DNAJB1: variants seen among roughly 807,000 people sequenced by gnomAD.
The protein encoded by DNAJB1 is DnaJ heat shock protein family (Hsp40) member B1, also known as dnaJ homolog subfamily B member 1.
Under a neutral mutation model 24.0 loss-of-function variants are expected in DNAJB1, and 14 were observed. The ratio of observed to expected loss-of-function variants is 0.58; its 90% CI spans 0.39 to 0.91. The LOEUF (loss-of-function observed/expected upper bound fraction) is 0.91. DNAJB1 is among the 40% of genes least tolerant of loss of function. The pLI is 0.00. For synonymous variants in DNAJB1, 262 were observed against 174.4 expected (o/e 1.50, Z -3.96); for missense variants, 517 against 458.1 (o/e 1.13, Z -1.17).
intron 2 of DNAJB1, 139 bp downstream of exon 2, chr19:14,516,327 G>A (rs2146518672): frequency 3.2e-6 from 4 of 1,251,884 alleles, no homozygotes; most frequent in Middle Eastern, 1.9e-4. Flanking sequence ...CCACAACAGC[G>A]CCCTGGTCAG....
chr19:14,548,372 C>T (rs1259973498), intron 1 of DNAJB1, among the ~76,000 whole-genome samples: 2 of 152,106 alleles, frequency 1.3e-5, no homozygotes, highest in Admixed American at 6.5e-5. Flanking sequence ...GTTACCCAGG[C>T]CCTAAGCTGT....
intron 1 of DNAJB1, among the ~76,000 whole-genome samples, chr19:14,557,156 T>TA (rs57941735): frequency 7.2e-5 from 11 of 151,772 alleles, no homozygotes; most frequent in South Asian, 4.2e-4. Context: ...TTTATTTATT[T>TA]TGAGACAGGG....
At chr19:14,534,529 CG>C (rs1568395245), upstream of DNAJB1, among the ~76,000 whole-genome samples, 1 of 138,604 alleles carries the variant, frequency 7.2e-6, no homozygotes, top group African/African-American at 2.7e-5. Flanking sequence ...TCCACCTCCC[CG>C]GTTCAAGCGA....
At chr19:14,523,098 C>T (rs553657870), upstream of DNAJB1, among the ~76,000 whole-genome samples, 61 of 151,878 alleles carry the variant, frequency 4.0e-4, no homozygotes, top group South Asian at 6.5e-3. Flanking sequence ...CCCAGCTACT[C>T]GGGAGGCTGA....
At chr19:14,519,435 C>T (rs992209930), upstream of DNAJB1, among the ~76,000 whole-genome samples, 2 of 152,286 alleles carry the variant, frequency 1.3e-5, no homozygotes, top group Admixed American at 1.3e-4. Flanking sequence ...ATTCTCCCAA[C>T]CGTGGGGAGA....
At chr19:14,528,711 G>A (rs931846962) in intron 1 of DNAJB1, among the ~76,000 whole-genome samples, 24 of 151,898 alleles carry the variant, frequency 1.6e-4, no homozygotes, top group African/African-American at 5.8e-4. Context: ...AGGCTGAGGC[G>A]GGAGGATCAC....
At chr19:14,534,968 A>G (rs2072809354) in intron 1 of DNAJB1, among the ~76,000 whole-genome samples, 1 of 152,176 alleles carries the variant, frequency 6.6e-6, no homozygotes, top group Admixed American at 6.5e-5. Flanking sequence ...AGGACAGAGC[A>G]TCCCTGAAGG....
At chr19:14,522,687 C>CACAGACACACAG (rs762546547), upstream of DNAJB1, among the ~76,000 whole-genome samples, 2 of 71,716 alleles carry the variant, frequency 2.8e-5, no homozygotes, top group African/African-American at 3.9e-5. Context: ...CACACAGACA[C>CACAGACACACAG]ACACACACAC....
At chr19:14,559,049 C>T (rs1275647825) in intron 1 of DNAJB1, among the ~76,000 whole-genome samples, 5 of 152,136 alleles carry the variant, frequency 3.3e-5, no homozygotes, top group East Asian at 1.9e-4. Flanking sequence ...GCGGAGCCCT[C>T]GATGAGGTCT....
upstream of DNAJB1, chr19:14,531,753 A>G (rs1296557498): frequency 6.6e-6 from 1 of 152,146 alleles, no homozygotes; most frequent in Non-Finnish European, 1.5e-5. Context: ...AAATCCTGTA[A>G]TTTTTGACAT....
At chr19:14,525,907 C>T (rs1017730362) in intron 2 of DNAJB1, among the ~76,000 whole-genome samples, 2 of 152,036 alleles carry the variant, frequency 1.3e-5, no homozygotes, top group Non-Finnish European at 2.9e-5. Context: ...AACTTGCTAA[C>T]GAGCCCTGGC....
At chr19:14,543,415 ATATATTTTTTTTTTTTTTTTTTT>A (rs1268628677) in intron 1 of DNAJB1, among the ~76,000 whole-genome samples, 5 of 9,488 alleles carry the variant, frequency 5.3e-4, no homozygotes, top group Non-Finnish European at 9.6e-4. Flanking sequence ...ATATATATAT[ATATATTTTTTTTTTTTTTTTTTT>A]TTTTTTTTTT....
chr19:14,520,121 C>G (rs1055061375), upstream of DNAJB1, among the ~76,000 whole-genome samples: 1 of 152,192 alleles, frequency 6.6e-6, no homozygotes, highest in Non-Finnish European at 1.5e-5. Flanking sequence ...AGCAGTTGTG[C>G]CCACATCATG....
At position 14,557,916 on chromosome 19, in the gene DNAJB1, C is replaced by T. The variant is rs556915658; in HGVS notation, c.-2166+2115G>A. Among the ~76,000 whole-genome samples the T allele has an allele frequency of 1.3e-3, 200 of 152,074 alleles. 1 individual carries two copies. The highest frequency in any genetic ancestry group is 3.9e-3 in the African/African-American group (160 of 41,492). ...GACTACAGGCACCCACCACCGCACC[C>T]GGCTAATTTTTTGTATTTTTAGTAG... On this transcript the variant is annotated intron_variant, in intron 1 of 5. Coordinates refer to the DNAJB1 transcript ENST00000679223.
chr19:14,534,068 C>G (rs1250074654), upstream of DNAJB1: 1 of 152,052 alleles, frequency 6.6e-6, no homozygotes, highest in African/African-American at 2.4e-5. Flanking sequence ...TTTCCCGCAG[C>G]TGAATACCCA....
Position 14,523,847 on chromosome 19 carries a change from C to T in DNAJB1, c.-90+3879G>A, listed in dbSNP as rs371103311. Among the ~76,000 whole-genome samples, 4 of 152,024 alleles carry T rather than the reference C, an allele frequency of 2.6e-5. No individual in the cohort carries two copies. The South Asian group carries it at 8.3e-4, about 31-fold the overall frequency. On this transcript the variant is annotated intron_variant, in intron 2 of 3. Coordinates refer to the DNAJB1 transcript ENST00000396969. Reference sequence around the variant, plus strand: ...CCATGTTGCTCAGGTTGGTCTCGAACACCTGAGCTCAGGTGATCCGCCGGC... The same window carrying T: ...CCATGTTGCTCAGGTTGGTCTCGAATACCTGAGCTCAGGTGATCCGCCGGC...
chr19:14,519,837 C>T (rs2072341732), upstream of DNAJB1, among the ~76,000 whole-genome samples: 1 of 152,090 alleles, frequency 6.6e-6, no homozygotes, highest in African/African-American at 2.4e-5. Flanking sequence ...AACACGATCG[C>T]GTTTGGCTCT....
At position 14,516,998 on chromosome 19, in the gene DNAJB1, C is replaced by T. The variant is rs2072277488; in HGVS notation, c.260G>A (p.Gly87Asp). 1.2e-6 allele frequency: 2 copies of T among 1,608,812 alleles called. No individual in the cohort carries two copies. Among genetic ancestry groups the T allele is most frequent in the Admixed American group, 3.3e-5 (2 of 59,970 alleles). Residue 87 changes from glycine (G) to aspartate (D), a missense_variant, in exon 2 of 3, where the codon GGT (glycine) becomes GAT (aspartate). Gly to Asp is a moderately conservative substitution (Grantham distance 94). Coordinates refer to ENST00000254322, the MANE Select transcript of DNAJB1 (RefSeq NM_006145.3). ...ATGGAATGTGTAGCTGAAAGAGGTA[C>T]CATTGGCACCACCGCCGCTACCGCC... ...PSGGSGGGANGTSFSYTFHGD... is the reference protein window; with the variant it reads ...PSGGSGGGANDTSFSYTFHGD...
At chr19:14,519,259 C>T (rs1303747586), upstream of DNAJB1, among the ~76,000 whole-genome samples, 2 of 152,180 alleles carry the variant, frequency 1.3e-5, no homozygotes, top group Non-Finnish European at 2.9e-5. Flanking sequence ...ATCCCAGCTA[C>T]TCAGGAGATT....
Sources: allele counts gnomAD v4.1 joint callset (sites outside exome capture counted in the v4.1 genomes callset), GRCh38; gene constraint gnomAD v4.1.1; transcripts MANE v1.5; gene names NCBI Gene and HGNC (gene_info 2026-07-23, HGNC 2026-07-21).